SLC44A5: variants seen among roughly 807,000 people sequenced by gnomAD.
SLC44A5 encodes solute carrier family 44 member 5.
In SLC44A5, 57 loss-of-function variants were observed where a neutral mutation model predicts 101.8. The ratio of observed to expected loss-of-function variants is 0.56; its 90% confidence interval spans 0.45 to 0.70. The LOEUF is 0.70. Among genes scored for constraint, SLC44A5 ranks in the 30% least tolerant of loss-of-function variants. The pLI is 0.00. For missense variants in SLC44A5, 737 were observed against 853.1 expected, an observed-to-expected ratio of 0.86 and a Z score of 1.70; for synonymous variants, 281 against 290.9, an observed-to-expected ratio of 0.97 and a Z score of 0.35.
intron 2 of SLC44A5, among the ~76,000 whole-genome samples, chr1:75,452,319 G>T (rs2101664126): frequency 6.6e-6 from 1 of 152,176 alleles, no homozygotes; most frequent in African/African-American, 2.4e-5. Context: ...AAACAAAGGA[G>T]AAATAAAATC....
intron 4 of SLC44A5, among the ~76,000 whole-genome samples, chr1:75,320,053 T>C (rs547565361): frequency 5.9e-5 from 9 of 152,246 alleles, no homozygotes; most frequent in South Asian, 4.2e-4. Context: ...AAAGAAGAGA[T>C]AATTACTCAA....
the SLC44A5 span, among the ~76,000 whole-genome samples, chr1:75,643,249 A>G: frequency 6.6e-6 from 1 of 152,170 alleles, no homozygotes; most frequent in African/African-American, 2.4e-5. Flanking sequence ...TTTTAAGATC[A>G]AAAAGGATTG....
At chr1:75,679,229 A>C in the SLC44A5 span, among the ~76,000 whole-genome samples, 5 of 152,200 alleles carry the variant, frequency 3.3e-5, no homozygotes, top group Non-Finnish European at 7.3e-5. Context: ...CTAGCAAGGC[A>C]GGCCAACGTT....
chr1:75,578,895 C>T (rs1186835299), intron 1 of SLC44A5, among the ~76,000 whole-genome samples: 1 of 152,026 alleles, frequency 6.6e-6, no homozygotes, highest in East Asian at 1.9e-4. Flanking sequence ...AAAATACATA[C>T]AATTTTTATT....
chr1:75,479,033 G>T (rs1389602993), intron 2 of SLC44A5, among the ~76,000 whole-genome samples: 1 of 152,192 alleles, frequency 6.6e-6, no homozygotes, highest in Non-Finnish European at 1.5e-5. Flanking sequence ...TAAAAGAACA[G>T]AAATTATAAG....
At chr1:75,347,580 C>T (rs796216495) in intron 3 of SLC44A5, among the ~76,000 whole-genome samples, 5 of 152,144 alleles carry the variant, frequency 3.3e-5, no homozygotes, top group African/African-American at 1.2e-4. Context: ...AACAGAGATA[C>T]ATACAACCTA....
At chr1:75,699,489 G>A in the SLC44A5 span, among the ~76,000 whole-genome samples, 4 of 151,690 alleles carry the variant, frequency 2.6e-5, no homozygotes, top group South Asian at 8.3e-4. Context: ...CCCTAAAAAA[G>A]GTGCTGAAGG....
the SLC44A5 span, among the ~76,000 whole-genome samples, chr1:75,716,439 C>T: frequency 1.3e-5 from 2 of 151,998 alleles, no homozygotes; most frequent in Non-Finnish European, 2.9e-5. Flanking sequence ...CCGCTGCACT[C>T]CAGCCCAAGT....
intron 20 of SLC44A5, 103 bp from the exon 21 acceptor site, chr1:75,214,092 T>C (rs1646914417): frequency 1.4e-6 from 1 of 732,090 alleles, no homozygotes; most frequent in Non-Finnish European, 2.3e-6. Flanking sequence ...GGTGTGTCTT[T>C]GCTGAAATTG....
At chr1:75,359,123 T>A (rs972199651) in intron 3 of SLC44A5, among the ~76,000 whole-genome samples, 1 of 152,038 alleles carries the variant, frequency 6.6e-6, no homozygotes, top group East Asian at 1.9e-4. Context: ...ATTTCACTTA[T>A]AATGCCCTCC....
At chr1:75,521,973 T>G (rs564888429) in intron 2 of SLC44A5, 1 of 152,316 alleles carries the variant, frequency 6.6e-6, no homozygotes, top group African/African-American at 2.4e-5. Context: ...AAAGACATAC[T>G]CTGAAGAAAT....
intron 1 of SLC44A5, among the ~76,000 whole-genome samples, chr1:75,580,720 C>A (rs1305148754): frequency 6.6e-6 from 1 of 151,900 alleles, no homozygotes; most frequent in East Asian, 1.9e-4. Flanking sequence ...CACCTGTAGT[C>A]CCAGCTACTC....
intron 2 of SLC44A5, among the ~76,000 whole-genome samples, chr1:75,405,404 T>C (rs145321824): frequency 6.6e-6 from 1 of 152,322 alleles, no homozygotes; most frequent in African/African-American, 2.4e-5. Context: ...AGAATATACA[T>C]TCTTCACAGC....
At chr1:75,532,858 A>T (rs1670799063) in intron 2 of SLC44A5, among the ~76,000 whole-genome samples, 1 of 152,180 alleles carries the variant, frequency 6.6e-6, no homozygotes. Context: ...TGGGCAACAT[A>T]GCAAAAACCC....
chr1:75,346,712 G>T (rs1658282928), intron 3 of SLC44A5, among the ~76,000 whole-genome samples: 1 of 151,768 alleles, frequency 6.6e-6, no homozygotes, highest in Non-Finnish European at 1.5e-5. Flanking sequence ...ATCAACTTGG[G>T]TTTTCTAACA....
upstream of SLC44A5, among the ~76,000 whole-genome samples, chr1:75,613,385 C>A (rs149792293): frequency 6.6e-6 from 1 of 152,334 alleles, no homozygotes; most frequent in African/African-American, 2.4e-5. Context: ...CAGTCAGATG[C>A]TTTTGTAGAG....
intron 22 of SLC44A5, 100 bp downstream of exon 22, chr1:75,213,605 G>T: frequency 1.1e-6 from 1 of 886,562 alleles, no homozygotes; most frequent in Non-Finnish European, 1.8e-6. Flanking sequence ...GGACTTCCCA[G>T]CCTTCAGAAC....
chr1:75,665,392 T>C, the SLC44A5 span, among the ~76,000 whole-genome samples: 137,855 of 152,022 alleles, frequency 0.91, 62,705 homozygotes, highest in Middle Eastern at 0.94. Flanking sequence ...ACGTTAACTG[T>C]CCAGCCATAT....
intron 5 of SLC44A5, among the ~76,000 whole-genome samples, chr1:75,281,355 C>T (rs1395924902): frequency 6.6e-6 from 1 of 151,988 alleles, no homozygotes; most frequent in Non-Finnish European, 1.5e-5. Context: ...TTTAGGGTAT[C>T]TGGTGGAAGA....
Sources: allele counts gnomAD v4.1 joint callset (sites outside exome capture counted in the v4.1 genomes callset), GRCh38; gene constraint gnomAD v4.1.1; transcripts MANE v1.5; gene names NCBI Gene and HGNC (gene_info 2026-07-23, HGNC 2026-07-21).